Variants in TUT7 observed in about 807,000 individuals in gnomAD.
TUT7 encodes terminal uridylyl transferase 7.
TUT7 carries 33 observed loss-of-function variants against 165.9 expected under a neutral mutation model. That is an observed-to-expected ratio of 0.20 (90% CI 0.15 to 0.27). TUT7 has a LOEUF of 0.27. Among genes scored for constraint, TUT7 ranks in the 10% least tolerant of loss-of-function variants. The pLI is 1.00. For synonymous variants in TUT7, 552 were observed against 608.1 expected (o/e 0.91, Z 1.36); for missense variants, 1,338 against 1,762.3 (o/e 0.76, Z 4.31).
At chr9:86,289,947 G>A (rs1254013690) in intron 26 of TUT7, among the ~76,000 whole-genome samples, 1 of 151,930 alleles carries the variant, frequency 6.6e-6, no homozygotes, top group Non-Finnish European at 1.5e-5. Flanking sequence ...TAGAATATTA[G>A]GTATACACAG....
At chr9:86,349,272 T>C (rs1832061831) in intron 2 of TUT7, among the ~76,000 whole-genome samples, 1 of 148,918 alleles carries the variant, frequency 6.7e-6, no homozygotes, top group Admixed American at 6.7e-5. Context: ...AGAGTGAAAC[T>C]CCATCTCAAA....
Position 86,288,501 on chromosome 9 carries a change from T to C in TUT7, c.*176A>G, listed in dbSNP as rs1825683530. 4.2e-6 allele frequency: 2 copies of C among 474,394 alleles called. No homozygotes were observed. The highest frequency in any genetic ancestry group is 7.6e-6 in the Non-Finnish European group (2 of 264,464). 29.4% of individuals were successfully genotyped at this position (474,394 alleles called of 1,614,324 possible). On this transcript the variant is annotated 3_prime_UTR_variant, in exon 27 of 27. Coordinates refer to ENST00000375963, the MANE Select transcript of TUT7 (RefSeq NM_024617.4). ...TATGGGGATGTGTGGTAGATAAGAC[T>C]ATATTAAAAATTTTTCCTCATTAAC...
chr9:86,329,966 C>T (rs1830161045), intron 10 of TUT7, among the ~76,000 whole-genome samples: 1 of 152,174 alleles, frequency 6.6e-6, no homozygotes, highest in Admixed American at 6.5e-5. Flanking sequence ...TATTTTTCCT[C>T]AGAGAAAGTA....
At chr9:86,319,467 G>C in intron 15 of TUT7, 117 bp downstream of exon 15, 1 of 718,704 alleles carries the variant, frequency 1.4e-6, no homozygotes, top group Non-Finnish European at 2.2e-6. Context: ...ACCATCCTGG[G>C]TATATTGCAA....
chr9:86,342,719 T>G (rs570985358), intron 6 of TUT7, among the ~76,000 whole-genome samples: 1 of 152,218 alleles, frequency 6.6e-6, no homozygotes, highest in Non-Finnish European at 1.5e-5. Flanking sequence ...CAATTAAGCT[T>G]GCAGATCATA....
At position 86,341,211 on chromosome 9, in the gene TUT7, G is replaced by C. The variant is rs555135515; in HGVS notation, c.1087-158C>G. ...CTCACTATGTTGTTTGCATATGTCAGTCAAAGACAGACAGATCAACACCAA... is the reference window on the plus strand; with the variant it reads ...CTCACTATGTTGTTTGCATATGTCACTCAAAGACAGACAGATCAACACCAA... On this transcript the variant is annotated intron_variant, in intron 6 of 26. Coordinates refer to ENST00000375963, the MANE Select transcript of TUT7 (RefSeq NM_024617.4). Among the ~76,000 whole-genome samples the C allele has an allele frequency of 1.8e-4, 28 of 152,312 alleles. No homozygotes were observed. In the East Asian group the frequency reaches 4.6e-3, roughly 25 times the overall value.
rs375238747 is a variant in TUT7, at chr9:86,352,992, A to C, written c.208T>G (p.Cys70Gly). ...GCATATGGATTGCTGGAAACAGCAC[A>C]TGGTCCTTTTCTGGGGGTATTCCCA... The part of the protein sequence containing the change: ...NYGNTPRKGP[C>G]AVSSNPYAFK... Residue 70 changes from cysteine (C) to glycine (G), a missense_variant, in exon 2 of 27, where the codon TGT becomes GGT. Physicochemically the swap from Cys to Gly is radical, Grantham distance 159. Around this residue, in one of 7 missense-constraint regions of TUT7, gnomAD observed 434 missense variants for 480.8 expected, o/e 0.90. Coordinates refer to ENST00000375963, the MANE Select transcript of TUT7 (RefSeq NM_024617.4). The C allele has an allele frequency of 2.2e-5, 35 of 1,614,068 alleles. No homozygotes were observed. Among genetic ancestry groups the C allele is most frequent in the Non-Finnish European group, 2.8e-5 (33 of 1,180,048 alleles).
chr9:86,339,371 A>G (rs1831124963), intron 8 of TUT7, among the ~76,000 whole-genome samples: 1 of 152,170 alleles, frequency 6.6e-6, no homozygotes, highest in African/African-American at 2.4e-5. Flanking sequence ...ATAAAAAATT[A>G]GCCAGGCGTG....
rs186708369 is a variant in TUT7 at position 86,334,310 on chromosome 9, C to G, written c.1455+3109G>C. Among the ~76,000 whole-genome samples the G allele has an allele frequency of 2.3e-4, 35 of 152,294 alleles. No homozygotes were observed. In the East Asian group the frequency reaches 6.8e-3, roughly 29 times the overall value. On this transcript the variant is annotated intron_variant, in intron 10 of 26. Transcript: ENST00000375963. ...AAGCACTGGGAGATTTTTCTCAGGT[C>G]TTTACCCTCAGAGCTTAGTGGGATT... is the stretch of plus-strand genomic sequence containing the variant.
At position 86,318,994 on chromosome 9, in the gene TUT7, G is replaced by A. The variant is rs908063112; in HGVS notation, c.3180C>T (p.Asp1060=). Reference sequence around the variant, plus strand: ...CAAGTCCATTAATTGTCATACAGACGTCAAGGTCACTCTGTTTGAACCCAA... The same window carrying A: ...CAAGTCCATTAATTGTCATACAGACATCAAGGTCACTCTGTTTGAACCCAA... ...NGFGFKQSDL[D]VCMTINGLET... Residue 1060 remains aspartate (D), a synonymous_variant, in exon 16 of 27, where the codon GAC becomes GAT. Transcript: ENST00000375963. 6.2e-7 allele frequency: 1 copy of A among 1,613,930 alleles called. No homozygotes were observed. Among genetic ancestry groups the A allele is most frequent in the Non-Finnish European group, 8.5e-7 (1 of 1,179,912 alleles).
At chr9:86,349,227 C>T (rs181287115) in intron 2 of TUT7, among the ~76,000 whole-genome samples, 58 of 151,354 alleles carry the variant, frequency 3.8e-4, no homozygotes, top group African/African-American at 1.3e-3. Context: ...TGCAGTGAAC[C>T]GAGATCATGC....
In TUT7 at chr9:86,301,513, G is replaced by A. The variant is rs773864313; in HGVS notation, c.4183C>T (p.His1395Tyr). 4.3e-6 allele frequency: 7 copies of A among 1,613,838 alleles called. No individual in the cohort carries two copies. Among genetic ancestry groups the A allele is most frequent in the Non-Finnish European group, 5.9e-6 (7 of 1,179,986 alleles). ...EKRSKEDKEI[H>Y]NKYTEREVST... ...ACCTCCCTTTCTGTGTACTTGTTGT[G>A]AATTTCTTTGTCCTCTTTGCTTCTT... Residue 1395 changes from histidine to tyrosine, a missense_variant, in exon 26 of 27, where the codon CAC (histidine) becomes TAC (tyrosine). By Grantham distance (83) the His-to-Tyr change is moderately conservative (BLOSUM62 2). Around this residue, in one of 7 missense-constraint regions of TUT7, gnomAD observed 167 missense variants for 204.9 expected, o/e 0.82. Transcript: ENST00000375963.
At chr9:86,314,313 C>T (rs2131379302) in intron 17 of TUT7, among the ~76,000 whole-genome samples, 1 of 152,262 alleles carries the variant, frequency 6.6e-6, no homozygotes, top group East Asian at 1.9e-4. Flanking sequence ...CTTCCCAGTT[C>T]CTTTTCAGTC....
rs1826875178 is a variant in TUT7, at chr9:86,301,363, CA to C, written c.4332del (p.Asp1444GlufsTer5). On this transcript the variant is annotated frameshift_variant, in exon 26 of 27. Transcript: ENST00000375963. LOFTEE classifies it high-confidence loss of function. ...RPPVEKWKRQ[D>X]DKDLREKRCF... is the part of the protein sequence containing the mutation. ...CAACGTTTTTCTCTTAAGTCTTTGT[CA>C]TCCTGTCTCTTCCATTTTTCTACTG... is the stretch of plus-strand genomic sequence containing the variant. 2 of 1,613,998 alleles carry C rather than the reference CA, an allele frequency of 1.2e-6. No homozygotes were observed.
intron 26 of TUT7, among the ~76,000 whole-genome samples, chr9:86,296,788 C>T (rs1265719557): frequency 6.6e-6 from 1 of 152,166 alleles, no homozygotes; most frequent in African/African-American, 2.4e-5. Context: ...ATACTTAATA[C>T]TATGGAAAGG....
Position 86,346,359 on chromosome 9 carries a change from C to T in TUT7, c.642G>A (p.Leu214=). 6.2e-7 allele frequency: 1 copy of T among 1,614,130 alleles called. No homozygotes were observed. Among genetic ancestry groups the T allele is most frequent in the Non-Finnish European group, 8.5e-7 (1 of 1,179,984 alleles). ...TCTCCTCAGCCTGCTGTAAGCCTAG[C>T]AGCTCCTTCGTTGAAAGTACAGACT... ...IDESVLSTKE[L]LGLQQAEERL... The change falls in exon 3 of 27, where the codon CTG becomes CTA. Residue 214 remains leucine (L), a synonymous_variant. Coordinates refer to ENST00000375963, the MANE Select transcript of TUT7 (RefSeq NM_024617.4).
intron 10 of TUT7, chr9:86,337,138 G>T: frequency 4.4e-6 from 1 of 228,668 alleles, no homozygotes; most frequent in South Asian, 8.4e-5. Flanking sequence ...TAAATTTACA[G>T]GGTCAGTCTC....
chr9:86,288,999 T>A (rs1825720459), intron 26 of TUT7, among the ~76,000 whole-genome samples: 1 of 152,202 alleles, frequency 6.6e-6, no homozygotes. Context: ...ATTTACATAT[T>A]CACTATTTCC....
chr9:86,344,863 C>T (rs1190276287), intron 5 of TUT7, 114 bp downstream of exon 5: 2 of 1,061,874 alleles, frequency 1.9e-6, no homozygotes, highest in African/African-American at 1.7e-5. Context: ...ATAGAAAACA[C>T]AAGAGCTTCA....
Sources: allele counts gnomAD v4.1 joint callset (sites outside exome capture counted in the v4.1 genomes callset), GRCh38; gene constraint gnomAD v4.1.1; regional missense constraint gnomAD v4.1.1; transcripts MANE v1.5; gene names NCBI Gene and HGNC (gene_info 2026-07-23, HGNC 2026-07-21).